The following TMEM50B variants were observed in gnomAD, a reference collection of about 807,000 sequenced individuals.
TMEM50B encodes HCV p7-trans-regulated protein 3.
A neutral mutation model predicts 23.4 loss-of-function variants in TMEM50B; 14 were observed. That is an observed-to-expected ratio of 0.60 (90% CI 0.39 to 0.93). The LOEUF (loss-of-function observed/expected upper bound fraction) is 0.93. TMEM50B is among the 40% of genes least tolerant of loss of function. The probability of loss-of-function intolerance (pLI) is 0.00; values close to 1 mark genes in which losing one functional copy is unlikely to be tolerated. For synonymous variants in TMEM50B, 64 were observed against 62.3 expected (o/e 1.03, Z -0.13); for missense variants, 159 against 193.0 (o/e 0.82, Z 1.04).
chr21:33,474,815 TA>T (rs1218340379), intron 1 of TMEM50B, among the ~76,000 whole-genome samples: 7 of 20,078 alleles, frequency 3.5e-4, no homozygotes, highest in East Asian at 3.7e-3. Context: ...AATAAATAAA[TA>T]AAATAAAATA....
chr21:33,454,769 G>C (rs900732156), intron 6 of TMEM50B, among the ~76,000 whole-genome samples: 1 of 152,070 alleles, frequency 6.6e-6, no homozygotes, highest in Non-Finnish European at 1.5e-5. Flanking sequence ...TCAAATCCAG[G>C]CTTCTCATTT....
intron 2 of TMEM50B, 80 bp from the exon 3 acceptor site, chr21:33,467,202 A>G: frequency 7.8e-7 from 1 of 1,274,740 alleles, no homozygotes. Flanking sequence ...CTTTTGTCCT[A>G]CAGATCATAT....
intron 8 of TMEM50B, among the ~76,000 whole-genome samples, chr21:33,434,712 T>C (rs1417678834): frequency 6.6e-6 from 1 of 152,148 alleles, no homozygotes; most frequent in Non-Finnish European, 1.5e-5. Flanking sequence ...TGTTCCTTCA[T>C]CTGCCATGAT....
intron 1 of TMEM50B, among the ~76,000 whole-genome samples, chr21:33,470,160 A>C (rs1002813646): frequency 1.1e-4 from 17 of 152,116 alleles, no homozygotes; most frequent in African/African-American, 4.1e-4. Context: ...AATTGAAAGA[A>C]ACTTCATCCT....
intron 3 of TMEM50B, 25 bp from the exon 4 acceptor site, chr21:33,465,434 T>C: frequency 6.3e-7 from 1 of 1,583,122 alleles, no homozygotes; most frequent in Non-Finnish European, 8.6e-7. Flanking sequence ...AATCATCAAA[T>C]GAATTTCAGT....
intron 1 of TMEM50B, among the ~76,000 whole-genome samples, chr21:33,472,573 A>T (rs554583981): frequency 2.6e-5 from 4 of 151,906 alleles, no homozygotes; most frequent in Admixed American, 6.6e-5. Flanking sequence ...AAATAAAAAA[A>T]TTTTGAAAAA....
chr21:33,452,153 T>C (rs970136550), intron 6 of TMEM50B, among the ~76,000 whole-genome samples: 3 of 152,358 alleles, frequency 2.0e-5, no homozygotes, highest in Non-Finnish European at 4.4e-5. Flanking sequence ...CTGCCTAAAA[T>C]GTCTTCATAA....
At chr21:33,462,193 C>T (rs188869574) in intron 4 of TMEM50B, among the ~76,000 whole-genome samples, 197 of 151,926 alleles carry the variant, frequency 1.3e-3, no homozygotes, top group African/African-American at 4.5e-3. Flanking sequence ...TTAATTCCTC[C>T]GGGAACTAAA....
chr21:33,447,701 C>T (rs1043868662), downstream of TMEM50B, among the ~76,000 whole-genome samples: 6 of 108,598 alleles, frequency 5.5e-5, no homozygotes, highest in Non-Finnish European at 1.1e-4. Context: ...CACACACACA[C>T]ACACACACAC....
At chr21:33,474,821 A>T (rs1202298535) in intron 1 of TMEM50B, among the ~76,000 whole-genome samples, 1 of 87,144 alleles carries the variant, frequency 1.1e-5, no homozygotes, top group East Asian at 2.8e-4. Flanking sequence ...TAAATAAAAT[A>T]AAATAAAATA....
chr21:33,460,608 C>A, intron 4 of TMEM50B, 103 bp from the exon 5 acceptor site: 2 of 502,868 alleles, frequency 4.0e-6, no homozygotes, highest in South Asian at 3.9e-5. Flanking sequence ...ATATATTATG[C>A]ATATCAAAGA....
intron 4 of TMEM50B, among the ~76,000 whole-genome samples, chr21:33,460,959 T>A (rs1184399336): frequency 6.6e-6 from 1 of 152,052 alleles, no homozygotes; most frequent in Non-Finnish European, 1.5e-5. Flanking sequence ...TCTTTAGGAG[T>A]ATATTCAGGC....
Position 33,465,418 on chromosome 21 carries a change from G to T in TMEM50B, c.213-9C>A. The T allele has an allele frequency of 6.2e-7, 1 of 1,601,906 alleles. No individual in the cohort carries two copies. Among genetic ancestry groups the T allele is most frequent in the Non-Finnish European group, 8.5e-7 (1 of 1,174,628 alleles). ...TGGATACAGCATTTATCCTAGAACG[G>T]CACAAAATCATCAAATGAATTTCAG... On this transcript the variant is annotated splice_polypyrimidine_tract_variant and intron_variant, in intron 3 of 6. Coordinates refer to ENST00000542230, the MANE Select transcript of TMEM50B (RefSeq NM_006134.7).
chr21:33,436,711 C>T (rs1398659693), intron 8 of TMEM50B: 1 of 788,210 alleles, frequency 1.3e-6, no homozygotes, highest in South Asian at 1.8e-5. Flanking sequence ...AAGAGTAAGA[C>T]TCCATCTCAA....
chr21:33,466,507 T>C (rs1425713361), intron 3 of TMEM50B, among the ~76,000 whole-genome samples: 2 of 151,900 alleles, frequency 1.3e-5, no homozygotes, highest in Non-Finnish European at 2.9e-5. Flanking sequence ...AAAATAATAC[T>C]GCAAGGTAAA....
chr21:33,465,240 TA>T, intron 4 of TMEM50B, 101 bp downstream of exon 4: 1 of 740,190 alleles, frequency 1.4e-6, no homozygotes, highest in Non-Finnish European at 2.2e-6. Context: ...ATATTCTATA[TA>T]ATCATTACCA....
intron 6 of TMEM50B, among the ~76,000 whole-genome samples, chr21:33,452,637 A>C (rs1009480529): frequency 1.3e-5 from 2 of 152,194 alleles, no homozygotes; most frequent in African/African-American, 4.8e-5. Flanking sequence ...CCTGCCTATA[A>C]CAAAGCTTAA....
chr21:33,452,332 T>C (rs2084129423), intron 6 of TMEM50B, among the ~76,000 whole-genome samples: 1 of 152,214 alleles, frequency 6.6e-6, no homozygotes, highest in Admixed American at 6.5e-5. Flanking sequence ...GAGTTTGCCA[T>C]GCAGCGTACA....
intron 6 of TMEM50B, among the ~76,000 whole-genome samples, chr21:33,453,011 T>C (rs2834224): frequency 0.59 from 89,047 of 152,118 alleles, 28,088 homozygotes; most frequent in East Asian, 0.83. Context: ...GAAAAAATCA[T>C]TGGATGGCAT....
Sources: allele counts gnomAD v4.1 joint callset (sites outside exome capture counted in the v4.1 genomes callset), GRCh38; gene constraint gnomAD v4.1.1; transcripts MANE v1.5; gene names NCBI Gene and HGNC (gene_info 2026-07-23, HGNC 2026-07-21).